The following KY variants were observed in gnomAD, a reference collection of about 807,000 sequenced individuals.
KY encodes the protein kyphoscoliosis peptidase.
A neutral mutation model predicts 76.1 loss-of-function variants in KY; 43 were observed. That is an observed-to-expected ratio of 0.57 (90% CI 0.44 to 0.73). The LOEUF (loss-of-function observed/expected upper bound fraction) is 0.73, where lower values mean the gene tolerates loss of function less well. Among genes scored for constraint, KY ranks in the 30% least tolerant of loss-of-function variants. The pLI, the probability that KY is intolerant of heterozygous loss-of-function variation, is 0.00. For synonymous variants in KY, 277 were observed against 326.2 expected, an observed-to-expected ratio of 0.85 and a Z score of 1.63; for missense variants, 722 against 828.9, an observed-to-expected ratio of 0.87 and a Z score of 1.58.
At chr3:134,640,818 G>A (rs1965649313) in intron 3 of KY, among the ~76,000 whole-genome samples, 1 of 152,134 alleles carries the variant, frequency 6.6e-6, no homozygotes, top group Non-Finnish European at 1.5e-5. Flanking sequence ...CCACACCATG[G>A]GGGAACCTCT....
chr3:134,624,926 G>T (rs1196899463), intron 6 of KY, 127 bp downstream of exon 6: 1 of 790,774 alleles, frequency 1.3e-6, no homozygotes, highest in Non-Finnish European at 2.1e-6. Context: ...CTATGAAAAG[G>T]CATTCCAGGG....
At chr3:134,607,949 T>C in intron 10 of KY, 4 of 996,404 alleles carry the variant, frequency 4.0e-6, no homozygotes, top group Non-Finnish European at 4.8e-6. Flanking sequence ...TGTCCCCGCC[T>C]CTCCTCTGCT....
Position 134,608,666 on chromosome 3 carries a change from G to T in KY, c.1073C>A (p.Thr358Asn). Residue 358 changes from threonine (T) to asparagine (N), a missense_variant, in exon 10 of 11, where the codon ACT (threonine) becomes AAT (asparagine). Thr to Asn is a moderately conservative substitution (Grantham distance 65). Coordinates refer to ENST00000423778, the MANE Select transcript of KY (RefSeq NM_178554.6). ...GGGCTCACCTGTTCTGATCATGGAA[G>T]TCTCTGGGTGGGCACTCAGCATCCC... is the stretch of plus-strand genomic sequence containing the variant. ...NKGMLSAHPETSMIRTVNGKA... is the reference protein window; with the variant it reads ...NKGMLSAHPENSMIRTVNGKA... 1 of 1,614,064 alleles carries T rather than the reference G, an allele frequency of 6.2e-7. No homozygotes were observed. Among genetic ancestry groups the T allele is most frequent in the Non-Finnish European group, 8.5e-7 (1 of 1,179,906 alleles).
chr3:134,637,646 C>G (rs1466620976), intron 3 of KY, among the ~76,000 whole-genome samples: 1 of 152,208 alleles, frequency 6.6e-6, no homozygotes, highest in East Asian at 1.9e-4. Flanking sequence ...TCATAATGCC[C>G]AGGTACTTTC....
chr3:134,635,854 C>A (rs1964895455), intron 3 of KY, among the ~76,000 whole-genome samples: 1 of 152,202 alleles, frequency 6.6e-6, no homozygotes, highest in Admixed American at 6.5e-5. Context: ...TCCTTTAAGA[C>A]TTCATTTCCA....
chr3:134,606,890 C>A, intron 10 of KY: 1 of 982,848 alleles, frequency 1.0e-6, no homozygotes, highest in East Asian at 1.1e-4. Context: ...TATCTAGGTG[C>A]CCTCTTCCTT....
At chr3:134,632,948 A>G (rs1040075996) in intron 3 of KY, among the ~76,000 whole-genome samples, 9 of 152,068 alleles carry the variant, frequency 5.9e-5, no homozygotes, top group African/African-American at 2.2e-4. Context: ...AGACCCTCAT[A>G]TGTATTAAAA....
At chr3:134,629,242 G>A (rs1963898164) in intron 4 of KY, among the ~76,000 whole-genome samples, 1 of 152,188 alleles carries the variant, frequency 6.6e-6, no homozygotes, top group Non-Finnish European at 1.5e-5. Context: ...TCTAAAAAGT[G>A]GGGATGATAT....
At chr3:134,637,491 A>G (rs1006742919) in intron 3 of KY, among the ~76,000 whole-genome samples, 3 of 152,228 alleles carry the variant, frequency 2.0e-5, no homozygotes, top group African/African-American at 7.2e-5. Flanking sequence ...TCCTGTAGTA[A>G]AGAACTCTAT....
intron 10 of KY, among the ~76,000 whole-genome samples, chr3:134,605,726 C>T (rs968790699): frequency 6.6e-6 from 1 of 151,996 alleles, no homozygotes; most frequent in African/African-American, 2.4e-5. Context: ...GCAGTGACTT[C>T]CCTCTGCCCC....
At chr3:134,608,270 C>T in intron 10 of KY, 1 of 1,202,300 alleles carries the variant, frequency 8.3e-7, no homozygotes, top group Non-Finnish European at 1.1e-6. Flanking sequence ...TAGTCCTTTT[C>T]CCTGCTATGT....
intron 4 of KY, among the ~76,000 whole-genome samples, chr3:134,628,715 T>A (rs892885195): frequency 2.6e-5 from 4 of 152,238 alleles, no homozygotes; most frequent in African/African-American, 9.6e-5. Context: ...TCTCATTTAA[T>A]CTCATAATAA....
In KY at chr3:134,602,076, G is replaced by A. The variant is rs1958992256; in HGVS notation, c.*1503C>T. Among the ~76,000 whole-genome samples, 1 of 152,164 alleles carries A rather than the reference G, an allele frequency of 6.6e-6. No individual in the cohort carries two copies. The highest frequency in any genetic ancestry group is 1.5e-5 in the Non-Finnish European group (1 of 68,006). On this transcript the variant is annotated 3_prime_UTR_variant, in exon 11 of 11. Coordinates refer to ENST00000423778, the MANE Select transcript of KY (RefSeq NM_178554.6). ...GCTGGCCCTGGCTGTGGTTGAGCCT[G>A]GAGGCCTGTGGAGGGGCTGTGGGGA...
At chr3:134,611,382 CT>C (rs1960423232) in intron 8 of KY, among the ~76,000 whole-genome samples, 2 of 152,172 alleles carry the variant, frequency 1.3e-5, no homozygotes, top group Admixed American at 1.3e-4. Context: ...CCTGGGTGTC[CT>C]TTCATGGCCA....
At chr3:134,610,927 AC>A (rs947673060) in intron 8 of KY, among the ~76,000 whole-genome samples, 3 of 152,050 alleles carry the variant, frequency 2.0e-5, no homozygotes, top group African/African-American at 4.8e-5. Context: ...GCCAAGCCCT[AC>A]CCCCCTGCTA....
intron 3 of KY, among the ~76,000 whole-genome samples, chr3:134,636,061 A>G (rs962293427): frequency 1.3e-5 from 2 of 152,202 alleles, no homozygotes; most frequent in Non-Finnish European, 2.9e-5. Context: ...CAGTTTTGCT[A>G]TTAGAAATGA....
At chr3:134,639,062 A>T (rs931987842) in intron 3 of KY, among the ~76,000 whole-genome samples, 92 of 92,544 alleles carry the variant, frequency 9.9e-4, no homozygotes, top group African/African-American at 1.2e-3. Flanking sequence ...TTTTTTTTCT[A>T]CTTTGGAGTT....
At chr3:134,646,280 G>A (rs759472182) in intron 2 of KY, among the ~76,000 whole-genome samples, 13 of 152,306 alleles carry the variant, frequency 8.5e-5, no homozygotes, top group Middle Eastern at 3.4e-3. Context: ...TTACAGGGAA[G>A]CCATTGCACC....
At chr3:134,648,115 CT>C (rs1376592880) in intron 1 of KY, among the ~76,000 whole-genome samples, 1 of 152,236 alleles carries the variant, frequency 6.6e-6, no homozygotes, top group Non-Finnish European at 1.5e-5. Context: ...GGTCGAGTTC[CT>C]GGCACAGCAT....
Sources: allele counts gnomAD v4.1 joint callset (sites outside exome capture counted in the v4.1 genomes callset), GRCh38; gene constraint gnomAD v4.1.1; transcripts MANE v1.5; gene names NCBI Gene and HGNC (gene_info 2026-07-23, HGNC 2026-07-21).